CDH23: variants seen among roughly 807,000 people sequenced by gnomAD.
CDH23 encodes cadherin-23.
In CDH23, 189 loss-of-function variants were observed where a neutral mutation model predicts 317.1. That is an observed-to-expected ratio of 0.60 (90% CI 0.53 to 0.67). The LOEUF is 0.67. CDH23 is among the 30% of genes least tolerant of loss of function. The pLI is 0.00. For missense variants in CDH23, 4,401 were observed against 4,592.4 expected (o/e 0.96, Z 1.20); for synonymous variants, 1,839 against 1,876.8 (o/e 0.98, Z 0.52).
chr10:71,530,372 C>T (rs2132257952), intron 6 of CDH23, among the ~76,000 whole-genome samples: 1 of 152,338 alleles, frequency 6.6e-6, no homozygotes, highest in Non-Finnish European at 1.5e-5. Context: ...AGTGGGGCCT[C>T]TCAGCAGCCG....
chr10:71,740,719 C>T (rs1839710092), intron 36 of CDH23, 103 bp from the exon 37 acceptor site: 10 of 1,508,328 alleles, frequency 6.6e-6, no homozygotes, highest in Non-Finnish European at 9.0e-6. Flanking sequence ...TCTCTTTGCC[C>T]TCCCAAATGC....
At chr10:71,633,638 C>T (rs1183518204) in intron 11 of CDH23, among the ~76,000 whole-genome samples, 1 of 152,164 alleles carries the variant, frequency 6.6e-6, no homozygotes, top group Admixed American at 6.5e-5. Context: ...GGGCAGCTCC[C>T]TTGGAAGAGG....
chr10:71,807,185 C>T, intron 57 of CDH23, 92 bp from the exon 58 acceptor site: 1 of 1,496,180 alleles, frequency 6.7e-7, no homozygotes, highest in Non-Finnish European at 9.1e-7. Context: ...TCCCTCAGCA[C>T]CTACAAAGTC....
At chr10:71,814,670 C>G (rs1842060815) in intron 69 of CDH23, among the ~76,000 whole-genome samples, 1 of 100,142 alleles carries the variant, frequency 1.0e-5, no homozygotes. Context: ...ACAATTTTCA[C>G]AAGAAGCCGA....
At chr10:71,564,470 A>G (rs1857290071) in intron 6 of CDH23, among the ~76,000 whole-genome samples, 1 of 152,262 alleles carries the variant, frequency 6.6e-6, no homozygotes, top group Admixed American at 6.5e-5. Context: ...GCAGGGCATG[A>G]AACATAATCC....
intron 6 of CDH23, among the ~76,000 whole-genome samples, chr10:71,522,640 G>A (rs930133523): frequency 3.3e-5 from 5 of 152,134 alleles, no homozygotes; most frequent in Admixed American, 2.0e-4. Flanking sequence ...TACATTGCAC[G>A]CACCAGGGGG....
chr10:71,698,161 G>T (rs1437879229), intron 22 of CDH23, among the ~76,000 whole-genome samples: 1 of 152,126 alleles, frequency 6.6e-6, no homozygotes, highest in Non-Finnish European at 1.5e-5. Context: ...TCCCAGTTAC[G>T]TATGATGATT....
In CDH23 at chr10:71,702,100, C is replaced by T. The variant is rs1589349846; in HGVS notation, c.2476C>T (p.Leu826Phe). The T allele has an allele frequency of 1.2e-6, 2 of 1,613,980 alleles. No individual in the cohort carries two copies. Among genetic ancestry groups the T allele is most frequent in the East Asian group, 2.2e-5 (1 of 44,878 alleles). ...SIQPPNKFYS[L>F]NSTTGKIRTT... The stretch of plus-strand genomic sequence containing the variant: ...CCAGCCACCCAACAAGTTCTACAGC[C>T]TCAACAGCACCACGGGCAAGATCCG... The change falls in exon 23 of 70, where the codon CTC (leucine) becomes TTC (phenylalanine). Residue 826 changes from leucine (L) to phenylalanine (F), a missense_variant. Physicochemically the swap from Leu to Phe is conservative, Grantham distance 22. Around this residue, in one of 3 missense-constraint regions of CDH23, gnomAD observed 3,068 missense variants for 3,203.3 expected, o/e 0.96. Transcript: ENST00000224721.
At chr10:71,533,277 C>T (rs1236292378) in intron 6 of CDH23, among the ~76,000 whole-genome samples, 1 of 152,152 alleles carries the variant, frequency 6.6e-6, no homozygotes, top group Admixed American at 6.5e-5. Context: ...TTATCTGGAC[C>T]TTGGCTTCCT....
chr10:71,738,458 G>C, intron 34 of CDH23, 40 bp from the exon 35 acceptor site: 1 of 1,613,532 alleles, frequency 6.2e-7, no homozygotes, highest in East Asian at 2.2e-5. Context: ...GGCCAAGGAG[G>C]GGAAGGAGGC....
At chr10:71,689,836 C>G (rs373491925) in intron 19 of CDH23, among the ~76,000 whole-genome samples, 82 of 152,306 alleles carry the variant, frequency 5.4e-4, no homozygotes, top group African/African-American at 1.9e-3. Flanking sequence ...ACCGGACCTC[C>G]TCACCACTGG....
chr10:71,411,882 G>A (rs1848360534), intron 1 of CDH23, among the ~76,000 whole-genome samples: 1 of 152,044 alleles, frequency 6.6e-6, no homozygotes, highest in Non-Finnish European at 1.5e-5. Flanking sequence ...TCACAGTGTT[G>A]TGCAACTATC....
intron 8 of CDH23, among the ~76,000 whole-genome samples, chr10:71,575,277 G>T (rs1352287399): frequency 4.6e-5 from 7 of 152,242 alleles, no homozygotes; most frequent in African/African-American, 1.4e-4. Context: ...GTCATCAGAT[G>T]CACACAGTGA....
At chr10:71,510,931 T>G (rs199768953) in intron 4 of CDH23, 23 bp from the exon 5 acceptor site, 2 of 1,613,664 alleles carry the variant, frequency 1.2e-6, no homozygotes, top group Non-Finnish European at 1.7e-6. Flanking sequence ...ACTGCCCCCC[T>G]CCCTCTCTCA....
At chr10:71,687,594 C>A in intron 18 of CDH23, 53 bp from the exon 19 acceptor site, 1 of 1,554,112 alleles carries the variant, frequency 6.4e-7, no homozygotes, top group Non-Finnish European at 8.9e-7. Flanking sequence ...AGACATCTGG[C>A]CAGCCCACCT....
At chr10:71,767,772 C>G (rs550806807) in intron 38 of CDH23, among the ~76,000 whole-genome samples, 115 of 152,320 alleles carry the variant, frequency 7.5e-4, no homozygotes, top group Non-Finnish European at 1.5e-3. Context: ...TTTATTGATA[C>G]CTGCCCCCGC....
intron 17 of CDH23, among the ~76,000 whole-genome samples, chr10:71,681,608 C>G (rs1864654864): frequency 6.6e-6 from 1 of 152,098 alleles, no homozygotes; most frequent in Non-Finnish European, 1.5e-5. Flanking sequence ...GTATGAAGAG[C>G]CCATAGCATA....
intron 38 of CDH23, among the ~76,000 whole-genome samples, chr10:71,762,991 G>A (rs765889181): frequency 2.2e-4 from 34 of 152,168 alleles, no homozygotes; most frequent in Middle Eastern, 3.2e-3. Context: ...GATAGAGGCC[G>A]CGTTTCTATC....
Position 71,510,943 on chromosome 10 carries a change from T to C in CDH23, c.289-11T>C. The stretch of plus-strand genomic sequence containing the variant: ...CTAACTGCCCCCCTCCCTCTCTCAC[T>C]TTTCTTTCAGACCAAGTCAGAGTTC... On this transcript the variant is annotated splice_polypyrimidine_tract_variant and intron_variant, in intron 4 of 69. Transcript: ENST00000224721. 1 of 1,613,844 alleles carries C rather than the reference T, an allele frequency of 6.2e-7. No homozygotes were observed. Among genetic ancestry groups the C allele is most frequent in the Non-Finnish European group, 8.5e-7 (1 of 1,179,824 alleles).
Sources: allele counts gnomAD v4.1 joint callset (sites outside exome capture counted in the v4.1 genomes callset), GRCh38; gene constraint gnomAD v4.1.1; regional missense constraint gnomAD v4.1.1; transcripts MANE v1.5; gene names NCBI Gene and HGNC (gene_info 2026-07-23, HGNC 2026-07-21).